The following RASA1 variants were observed in gnomAD, a reference collection of about 807,000 sequenced individuals.
RASA1 encodes the protein RAS p21 protein activator 1, also known as ras GTPase-activating protein 1.
Under a neutral mutation model 132.2 loss-of-function variants are expected in RASA1, and 25 were observed. That is an observed-to-expected ratio of 0.19 (90% CI 0.14 to 0.26). The LOEUF is 0.26. Among genes scored for constraint, RASA1 ranks in the 10% least tolerant of loss-of-function variants. RASA1 has a pLI of 1.00. For missense variants in RASA1, 964 were observed against 1,299.2 expected, an observed-to-expected ratio of 0.74 and a Z score of 3.97; for synonymous variants, 477 against 449.9, an observed-to-expected ratio of 1.06 and a Z score of -0.76.
At chr5:87,283,216 C>T (rs968950683) in intron 1 of RASA1, among the ~76,000 whole-genome samples, 1 of 82,610 alleles carries the variant, frequency 1.2e-5, no homozygotes, top group Admixed American at 1.3e-4. Context: ...CAACCTTTTT[C>T]TTAGCTGAAA....
chr5:87,372,312 C>T, intron 13 of RASA1, 117 bp downstream of exon 13: 1 of 889,752 alleles, frequency 1.1e-6, no homozygotes. Flanking sequence ...GCCATGCTGC[C>T]ACTTGCTTCA....
intron 1 of RASA1, among the ~76,000 whole-genome samples, chr5:87,271,930 G>T (rs188251267): frequency 3.3e-5 from 5 of 151,526 alleles, no homozygotes; most frequent in Admixed American, 2.6e-4. Flanking sequence ...AAGGCGAGTG[G>T]ATCACTTGAG....
intron 11 of RASA1, among the ~76,000 whole-genome samples, chr5:87,368,265 G>T (rs188732157): frequency 1.6e-3 from 242 of 151,646 alleles, no homozygotes; most frequent in African/African-American, 5.4e-3. Context: ...CACTTTTTCA[G>T]GACTTCATTT....
At position 87,332,519 on chromosome 5, in the gene RASA1, G is replaced by A. The variant is rs1350188583; in HGVS notation, c.705G>A (p.Met235Ile). The stretch of plus-strand genomic sequence containing the variant: ...CCTGTTCAAATAGGATTATTGCTAT[G>A]TGTGGAGATTACTACATTGGTGGAA... The part of the protein sequence containing the change: ...NVVNHFRIIA[M>I]CGDYYIGGRR... Residue 235 changes from methionine (M) to isoleucine (I), a missense_variant, in exon 3 of 25, where the codon ATG (methionine) becomes ATA (isoleucine). Physicochemically the swap from Met to Ile is conservative, Grantham distance 10. This residue lies in a region of RASA1 where 154 missense variants were observed against 286.5 expected (regional missense o/e 0.54). Transcript: ENST00000274376. The A allele has an allele frequency of 6.2e-7, 1 of 1,606,606 alleles. No homozygotes were observed. The highest frequency in any genetic ancestry group is 2.2e-5 in the East Asian group (1 of 44,622).
At chr5:87,323,039 GTTAGA>G (rs1370339024) in intron 1 of RASA1, among the ~76,000 whole-genome samples, 3 of 152,268 alleles carry the variant, frequency 2.0e-5, no homozygotes, top group Middle Eastern at 6.8e-3. Flanking sequence ...TAGGAAGGAA[GTTAGA>G]TTTAGAGAGG....
chr5:87,325,861 A>G (rs1280813779), intron 1 of RASA1, among the ~76,000 whole-genome samples: 2 of 152,142 alleles, frequency 1.3e-5, no homozygotes, highest in African/African-American at 2.4e-5. Flanking sequence ...ATATTTTCTC[A>G]TTGCACAAAT....
intron 1 of RASA1, among the ~76,000 whole-genome samples, chr5:87,324,755 A>G (rs568304463): frequency 6.6e-6 from 1 of 152,122 alleles, no homozygotes; most frequent in African/African-American, 2.4e-5. Flanking sequence ...CCTCAAGTTT[A>G]AGTGATGTGT....
intron 1 of RASA1, among the ~76,000 whole-genome samples, chr5:87,271,474 T>G: frequency 7.5e-6 from 1 of 133,040 alleles, no homozygotes; most frequent in East Asian, 3.2e-4. Flanking sequence ...TTTTTTTTTT[T>G]TTTTTTTTTT....
intron 1 of RASA1, among the ~76,000 whole-genome samples, chr5:87,295,549 C>G (rs1378819250): frequency 6.6e-6 from 1 of 151,638 alleles, no homozygotes; most frequent in African/African-American, 2.4e-5. Context: ...CACTGTATCA[C>G]CCAGGCTGGA....
intron 1 of RASA1, among the ~76,000 whole-genome samples, chr5:87,276,358 G>C (rs569939930): frequency 2.1e-4 from 32 of 152,286 alleles, no homozygotes; most frequent in Admixed American, 5.9e-4. Flanking sequence ...ATCACTGGCA[G>C]TACATTTCAG....
At chr5:87,311,234 CAA>C (rs1755891849) in intron 1 of RASA1, among the ~76,000 whole-genome samples, 1 of 152,084 alleles carries the variant, frequency 6.6e-6, no homozygotes, top group Non-Finnish European at 1.5e-5. Context: ...TGAAAAAGAA[CAA>C]AGTGAGCCTG....
At chr5:87,382,404 A>G (rs1442978193) in intron 20 of RASA1, among the ~76,000 whole-genome samples, 2 of 152,240 alleles carry the variant, frequency 1.3e-5, no homozygotes, top group Non-Finnish European at 2.9e-5. Context: ...CTATTAATCT[A>G]TAGAAGGAAT....
chr5:87,331,795 T>A (rs1217398642), intron 2 of RASA1, among the ~76,000 whole-genome samples: 1 of 152,152 alleles, frequency 6.6e-6, no homozygotes, highest in Non-Finnish European at 1.5e-5. Flanking sequence ...ATAAAGGAAT[T>A]GTATACTTTT....
intron 1 of RASA1, among the ~76,000 whole-genome samples, chr5:87,275,528 T>G (rs1235051681): frequency 6.6e-6 from 1 of 151,964 alleles, no homozygotes; most frequent in Non-Finnish European, 1.5e-5. Context: ...GGCATTTCCC[T>G]CTCTCTTCCT....
At chr5:87,325,388 AT>A (rs1757157640) in intron 1 of RASA1, among the ~76,000 whole-genome samples, 1 of 152,262 alleles carries the variant, frequency 6.6e-6, no homozygotes, top group African/African-American at 2.4e-5. Flanking sequence ...TTTGTTACAA[AT>A]AAATATGGGA....
chr5:87,322,973 T>C (rs1046013623), intron 1 of RASA1, among the ~76,000 whole-genome samples: 2 of 152,204 alleles, frequency 1.3e-5, no homozygotes. Context: ...GATGTTGATA[T>C]ATTCACCTTA....
chr5:87,365,965 T>G (rs1053281718), intron 11 of RASA1, among the ~76,000 whole-genome samples: 5 of 152,134 alleles, frequency 3.3e-5, no homozygotes, highest in Non-Finnish European at 7.4e-5. Context: ...TTCAGTTGCA[T>G]GTGTTTTCAG....
At chr5:87,298,861 T>TA (rs1333121448) in intron 1 of RASA1, among the ~76,000 whole-genome samples, 1 of 152,206 alleles carries the variant, frequency 6.6e-6, no homozygotes, top group Non-Finnish European at 1.5e-5. Flanking sequence ...AGCTGTTTTA[T>TA]AAGCATGGCA....
intron 1 of RASA1, among the ~76,000 whole-genome samples, chr5:87,297,178 A>T (rs1289645478): frequency 6.6e-6 from 1 of 152,154 alleles, no homozygotes; most frequent in Non-Finnish European, 1.5e-5. Flanking sequence ...CATATTGTCT[A>T]CCTTTTTCAT....
Sources: allele counts gnomAD v4.1 joint callset (sites outside exome capture counted in the v4.1 genomes callset), GRCh38; gene constraint gnomAD v4.1.1; regional missense constraint gnomAD v4.1.1; transcripts MANE v1.5; gene names NCBI Gene and HGNC (gene_info 2026-07-23, HGNC 2026-07-21).